The following SLC49A4 variants were observed in gnomAD, a reference collection of about 807,000 sequenced individuals.
The protein encoded by SLC49A4 is disrupted in renal cancer protein 2.
SLC49A4 carries 36 observed loss-of-function variants against 50.6 expected under a neutral mutation model. The ratio of observed to expected loss-of-function variants is 0.71; its 90% confidence interval spans 0.55 to 0.94. The LOEUF (loss-of-function observed/expected upper bound fraction) is 0.94. SLC49A4 is among the 40% of genes least tolerant of loss of function. The probability of loss-of-function intolerance (pLI) is 0.00; values close to 1 mark genes in which losing one functional copy is unlikely to be tolerated. For missense variants in SLC49A4, 503 were observed against 605.7 expected (o/e 0.83, Z 1.78); for synonymous variants, 248 against 241.2 (o/e 1.03, Z -0.26).
At chr3:122,827,636 C>A (rs1262961901) in intron 3 of SLC49A4, among the ~76,000 whole-genome samples, 2 of 152,244 alleles carry the variant, frequency 1.3e-5, no homozygotes, top group South Asian at 2.1e-4. Flanking sequence ...ATAGTATAGT[C>A]TCCTACGGAT....
At chr3:122,809,791 A>C (rs1460408816) in intron 2 of SLC49A4, among the ~76,000 whole-genome samples, 1 of 152,222 alleles carries the variant, frequency 6.6e-6, no homozygotes, top group Non-Finnish European at 1.5e-5. Flanking sequence ...CAGAGATTGA[A>C]TCTTTCATAA....
intron 5 of SLC49A4, among the ~76,000 whole-genome samples, chr3:122,851,118 A>G (rs1370597596): frequency 6.6e-6 from 1 of 152,128 alleles, no homozygotes; most frequent in African/African-American, 2.4e-5. Context: ...ACCCTCTCCC[A>G]TCTTTCAGGC....
chr3:122,846,079 T>G (rs1378030216), intron 5 of SLC49A4, among the ~76,000 whole-genome samples: 3 of 152,214 alleles, frequency 2.0e-5, no homozygotes, highest in Non-Finnish European at 4.4e-5. Context: ...TTCACATTTC[T>G]GTGGGCATTA....
chr3:122,857,560 G>A (rs9821139), intron 6 of SLC49A4, among the ~76,000 whole-genome samples: 448 of 152,184 alleles, frequency 2.9e-3, no homozygotes, highest in Non-Finnish European at 5.6e-3. Flanking sequence ...TAGACTTTAT[G>A]GTTCACATAG....
At chr3:122,845,646 C>G in intron 4 of SLC49A4, 117 bp from the exon 5 acceptor site, 5 of 116,266 alleles carry the variant, frequency 4.3e-5, no homozygotes, top group Non-Finnish European at 6.3e-5. Flanking sequence ...TAATGCCATT[C>G]TGCAGATATT....
intron 1 of SLC49A4, among the ~76,000 whole-genome samples, chr3:122,795,970 T>A (rs921377378): frequency 1.3e-5 from 2 of 152,148 alleles, no homozygotes; most frequent in Non-Finnish European, 2.9e-5. Flanking sequence ...ATGAGTTCGT[T>A]TTGTGTAATA....
intron 6 of SLC49A4, among the ~76,000 whole-genome samples, 157 bp downstream of exon 6, chr3:122,856,531 C>A (rs1382330646): frequency 6.6e-6 from 1 of 152,074 alleles, no homozygotes; most frequent in East Asian, 1.9e-4. Context: ...AATTCATATG[C>A]GTTATATAGA....
intron 7 of SLC49A4, among the ~76,000 whole-genome samples, chr3:122,865,230 A>G (rs1246047875): frequency 6.6e-6 from 1 of 152,260 alleles, no homozygotes; most frequent in Admixed American, 6.5e-5. Context: ...TGTAAGAATC[A>G]TTAAATGCTG....
intron 2 of SLC49A4, among the ~76,000 whole-genome samples, chr3:122,817,184 A>G (rs1487725044): frequency 2.0e-5 from 3 of 152,244 alleles, no homozygotes; most frequent in Non-Finnish European, 4.4e-5. Flanking sequence ...GCATGAAAAT[A>G]AAGGAAAATC....
chr3:122,846,194 A>G (rs1297590805), intron 5 of SLC49A4, among the ~76,000 whole-genome samples: 1 of 152,192 alleles, frequency 6.6e-6, no homozygotes, highest in African/African-American at 2.4e-5. Context: ...AGATCCCATC[A>G]TCAAATATAT....
At chr3:122,842,105 G>C (rs532309397) in intron 4 of SLC49A4, among the ~76,000 whole-genome samples, 5 of 152,294 alleles carry the variant, frequency 3.3e-5, no homozygotes, top group Admixed American at 2.6e-4. Flanking sequence ...GGTAGATTGG[G>C]ATCATATTAT....
At chr3:122,857,284 T>TAAAA (rs10694942) in intron 6 of SLC49A4, among the ~76,000 whole-genome samples, 17 of 109,346 alleles carry the variant, frequency 1.6e-4, no homozygotes, top group Middle Eastern at 7.9e-3. Context: ...CCATTCGTTC[T>TAAAA]AAAAAAAAAA....
intron 3 of SLC49A4, among the ~76,000 whole-genome samples, chr3:122,827,965 G>A (rs1020993652): frequency 6.6e-6 from 1 of 152,200 alleles, no homozygotes; most frequent in African/African-American, 2.4e-5. Flanking sequence ...AACTGCAAAG[G>A]CAGGGAAGGT....
In SLC49A4 at chr3:122,826,991, G is replaced by T; in HGVS notation, c.629G>T (p.Gly210Val). 1 of 1,614,128 alleles carries T rather than the reference G, an allele frequency of 6.2e-7. No individual in the cohort carries two copies. Among genetic ancestry groups the T allele is most frequent in the Non-Finnish European group, 8.5e-7 (1 of 1,180,020 alleles). ...VGPLVVPAPN[G>V]TSPLLAAESS... is the part of the protein sequence containing the mutation. ...CCACTTGTTGTTCCAGCTCCCAATG[G>T]GACATCACCTCTTCTTGCTGCAGAG... The change falls in exon 3 of 9, where the codon GGG becomes GTG. Residue 210 changes from glycine to valine, a missense_variant. Gly to Val is a moderately radical substitution (Grantham distance 109, BLOSUM62 -3). Coordinates refer to ENST00000261038, the MANE Select transcript of SLC49A4 (RefSeq NM_032839.3).
Position 122,816,581 on chromosome 3 carries a change from A to G in SLC49A4, c.437+9631A>G, listed in dbSNP as rs78968351. ...CAATTAGAGGACAAATTAAGTTGCT[A>G]TAATGAGGAGATCTCAAAATAGAGT... On this transcript the variant is annotated intron_variant, in intron 2 of 8. Coordinates refer to ENST00000261038, the MANE Select transcript of SLC49A4 (RefSeq NM_032839.3). 9.1e-3 allele frequency among the ~76,000 whole-genome samples: 1,387 copies of G among 152,340 alleles called. 40 individuals carry two copies. Among genetic ancestry groups the G allele is most frequent in the South Asian group, 0.073 (352 of 4,824 alleles).
At chr3:122,850,713 C>T (rs1267877120) in intron 5 of SLC49A4, among the ~76,000 whole-genome samples, 1 of 152,086 alleles carries the variant, frequency 6.6e-6, no homozygotes, top group East Asian at 1.9e-4. Context: ...TCTATGTTTC[C>T]CAGGCTGGTC....
chr3:122,846,816 A>G (rs1177070429), intron 5 of SLC49A4, among the ~76,000 whole-genome samples: 1 of 152,146 alleles, frequency 6.6e-6, no homozygotes, highest in Admixed American at 6.5e-5. Flanking sequence ...GTGACATACT[A>G]GTTTGAGTCT....
chr3:122,869,999 AG>A (rs2107583254), intron 7 of SLC49A4, among the ~76,000 whole-genome samples: 1 of 20,452 alleles, frequency 4.9e-5, no homozygotes, highest in South Asian at 0.016. Context: ...GTTCCCTTTC[AG>A]TGTGTTATTA....
intron 5 of SLC49A4, among the ~76,000 whole-genome samples, chr3:122,846,216 C>T (rs956698675): frequency 6.6e-6 from 1 of 152,128 alleles, no homozygotes; most frequent in Non-Finnish European, 1.5e-5. Context: ...GCTATTTCTT[C>T]ATCTAGTTTC....
Sources: allele counts gnomAD v4.1 joint callset (sites outside exome capture counted in the v4.1 genomes callset), GRCh38; gene constraint gnomAD v4.1.1; transcripts MANE v1.5; gene names NCBI Gene and HGNC (gene_info 2026-07-23, HGNC 2026-07-21).